Variants in CNTN6 observed in about 807,000 individuals in gnomAD.
The protein encoded by CNTN6 is contactin-6.
A neutral mutation model predicts 122.8 loss-of-function variants in CNTN6; 137 were observed. The observed-to-expected ratio is 1.12, with a 90% confidence interval of 0.97 to 1.29. The LOEUF is 1.29. Ranked by LOEUF, CNTN6 falls within the 50% of genes most tolerant of loss-of-function variation. CNTN6 has a pLI of 0.00. For missense variants in CNTN6, 1,634 were observed against 1,223.4 expected, an observed-to-expected ratio of 1.34 and a Z score of -5.01; for synonymous variants, 570 against 426.0, an observed-to-expected ratio of 1.34 and a Z score of -4.16.
chr3:1,170,423 G>A (rs7632959), intron 2 of CNTN6, among the ~76,000 whole-genome samples: 2,027 of 152,114 alleles, frequency 0.013, 51 homozygotes, highest in African/African-American at 0.046. Flanking sequence ...AGCAGAACCC[G>A]TTGAAAATCG....
At chr3:1,104,805 T>C (rs1041982129) in intron 1 of CNTN6, among the ~76,000 whole-genome samples, 2 of 152,156 alleles carry the variant, frequency 1.3e-5, no homozygotes, top group Admixed American at 6.5e-5. Context: ...GCATATGTTC[T>C]GCTTTATAGC....
chr3:1,279,600 A>C (rs529962174), intron 5 of CNTN6, among the ~76,000 whole-genome samples: 1 of 152,372 alleles, frequency 6.6e-6, no homozygotes, highest in East Asian at 1.9e-4. Flanking sequence ...ATTCAAATCC[A>C]GGAAGTCTGG....
At chr3:1,275,532 A>G (rs1692182484) in intron 4 of CNTN6, among the ~76,000 whole-genome samples, 1 of 152,164 alleles carries the variant, frequency 6.6e-6, no homozygotes, top group South Asian at 2.1e-4. Flanking sequence ...ACTGTCCACC[A>G]ATTTGCTCGT....
chr3:1,328,578 T>C (rs1701850069), intron 10 of CNTN6, among the ~76,000 whole-genome samples: 1 of 151,826 alleles, frequency 6.6e-6, no homozygotes, highest in Non-Finnish European at 1.5e-5. Context: ...AAGTGTCAGA[T>C]TTAAAATATG....
At chr3:1,169,173 G>T (rs960666120) in intron 2 of CNTN6, among the ~76,000 whole-genome samples, 1 of 152,192 alleles carries the variant, frequency 6.6e-6, no homozygotes, top group African/African-American at 2.4e-5. Context: ...AAAGCAATGA[G>T]AATTTATCAA....
At chr3:1,205,976 T>C (rs140332578) in intron 2 of CNTN6, among the ~76,000 whole-genome samples, 266 of 152,340 alleles carry the variant, frequency 1.7e-3, no homozygotes, top group Admixed American at 3.5e-3. Flanking sequence ...TGCATTTCAA[T>C]GACCAAAAGT....
chr3:1,098,783 C>CATATAT (rs1330153033), intron 1 of CNTN6, among the ~76,000 whole-genome samples: 2 of 54,096 alleles, frequency 3.7e-5, no homozygotes, highest in East Asian at 5.8e-4. Flanking sequence ...CACACACACA[C>CATATAT]ACACACATAT....
chr3:1,325,713 C>T lies in CNTN6; in HGVS notation c.947-102C>T, dbSNP rs1169933701. The T allele has an allele frequency of 2.4e-6, 3 of 1,234,358 alleles. No homozygotes were observed. In the East Asian group the frequency reaches 7.3e-5, roughly 30 times the overall value. 76.5% of individuals were successfully genotyped at this position (1,234,358 alleles called of 1,614,324 possible). A position where few individuals can be genotyped will look rare whatever the true frequency, so the allele number is the denominator to read the frequency against. ...CGTGTGTGTGCAATCCAACTGGACCCAGTTAGCCTTGTCCTTCTGATCTCT... is the reference window on the plus strand; with the variant it reads ...CGTGTGTGTGCAATCCAACTGGACCTAGTTAGCCTTGTCCTTCTGATCTCT... On this transcript the variant is annotated intron_variant, in intron 8 of 22. Coordinates refer to ENST00000446702, the MANE Select transcript of CNTN6 (RefSeq NM_001289080.2).
At chr3:1,167,784 G>A (rs1410216497) in intron 2 of CNTN6, among the ~76,000 whole-genome samples, 2 of 152,262 alleles carry the variant, frequency 1.3e-5, no homozygotes, top group South Asian at 2.1e-4. Flanking sequence ...AGATTCAACC[G>A]CTGTTCAACA....
rs577929960 is a variant in CNTN6, at chr3:1,212,230, G to A, written c.56-8457G>A. ...AGTGTCTACCTATTCCAAAGTTCTT[G>A]CCTTACTGCCAAATAAAACTTGTTT... On this transcript the variant is annotated intron_variant, in intron 2 of 22. Transcript: ENST00000446702. 2.7e-5 allele frequency among the ~76,000 whole-genome samples: 4 copies of A among 148,022 alleles called. No individual in the cohort carries two copies. The South Asian group carries it at 8.5e-4, about 32-fold the overall frequency.
intron 2 of CNTN6, among the ~76,000 whole-genome samples, chr3:1,195,120 G>T (rs1422464604): frequency 6.6e-6 from 1 of 152,088 alleles, no homozygotes; most frequent in East Asian, 1.9e-4. Context: ...GACAACTAAA[G>T]ACAGCCTCTG....
intron 4 of CNTN6, among the ~76,000 whole-genome samples, chr3:1,267,234 C>A (rs1399044262): frequency 6.6e-6 from 1 of 152,130 alleles, no homozygotes; most frequent in Non-Finnish European, 1.5e-5. Context: ...TCCTCTCCTT[C>A]CTCACTTTTT....
intron 7 of CNTN6, among the ~76,000 whole-genome samples, chr3:1,300,549 G>A (rs894009376): frequency 3.5e-5 from 4 of 115,142 alleles, no homozygotes; most frequent in Non-Finnish European, 3.7e-5. Flanking sequence ...GAGAAAGAAA[G>A]AGAAAGAAAA....
At chr3:1,303,326 T>C (rs1429655902) in intron 7 of CNTN6, among the ~76,000 whole-genome samples, 2 of 152,186 alleles carry the variant, frequency 1.3e-5, no homozygotes, top group African/African-American at 4.8e-5. Flanking sequence ...TTTAGCAGGC[T>C]TTGCACTTTT....
At chr3:1,340,796 C>T (rs1427021184) in intron 11 of CNTN6, among the ~76,000 whole-genome samples, 1 of 152,088 alleles carries the variant, frequency 6.6e-6, no homozygotes, top group Non-Finnish European at 1.5e-5. Context: ...TCTTGATACT[C>T]AAGTTTTCAG....
At position 1,402,355 on chromosome 3, in the gene CNTN6, T is replaced by C. The variant is rs1695829670; in HGVS notation, c.2855T>C (p.Ile952Thr). The change falls in exon 22 of 23, where the codon ATT becomes ACT. Residue 952 changes from isoleucine (I) to threonine (T), a missense_variant. By Grantham distance (89) the Ile-to-Thr change is moderately conservative (BLOSUM62 -1). Coordinates refer to ENST00000446702, the MANE Select transcript of CNTN6 (RefSeq NM_001289080.2). ...CAAAACAGACAGAGTAAAACTCATA[T>C]TTTGGAAACAAACAATACATCAGCT... Reference protein sequence around the residue: ...YRQNRQSKTHILETNNTSAEL... With the variant: ...YRQNRQSKTHTLETNNTSAEL... 6.2e-7 allele frequency: 1 copy of C among 1,611,640 alleles called. No individual in the cohort carries two copies. The highest frequency in any genetic ancestry group is 1.3e-5 in the African/African-American group (1 of 74,960).
rs761463997 is a variant in CNTN6 at position 1,250,775 on chromosome 3, A to G, written c.358+22782A>G. ...AAAGTTTTCCCTGAAAGTCCCCCTGACTGTGTTGCTTCAACTGACATTTGG... is the reference window on the plus strand; with the variant it reads ...AAAGTTTTCCCTGAAAGTCCCCCTGGCTGTGTTGCTTCAACTGACATTTGG... On this transcript the variant is annotated intron_variant, in intron 4 of 22. Coordinates refer to ENST00000446702, the MANE Select transcript of CNTN6 (RefSeq NM_001289080.2). Among the ~76,000 whole-genome samples the G allele has an allele frequency of 4.5e-4, 68 of 152,098 alleles. 1 individual carries two copies. The highest frequency in any genetic ancestry group is 1.2e-4 in the Non-Finnish European group (8 of 68,016).
intron 11 of CNTN6, among the ~76,000 whole-genome samples, chr3:1,345,421 A>G (rs1238325969): frequency 6.6e-6 from 1 of 152,102 alleles, no homozygotes; most frequent in Non-Finnish European, 1.5e-5. Flanking sequence ...CAGCCATACA[A>G]TTACTTATAA....
intron 2 of CNTN6, among the ~76,000 whole-genome samples, chr3:1,203,368 A>G (rs1349758223): frequency 2.0e-5 from 3 of 152,248 alleles, no homozygotes; most frequent in Non-Finnish European, 4.4e-5. Context: ...CCAAACATCC[A>G]GAGAGATATG....
Sources: allele counts gnomAD v4.1 joint callset (sites outside exome capture counted in the v4.1 genomes callset), GRCh38; gene constraint gnomAD v4.1.1; transcripts MANE v1.5; gene names NCBI Gene and HGNC (gene_info 2026-07-23, HGNC 2026-07-21).